PTER: variants seen among roughly 807,000 people sequenced by gnomAD.
PTER encodes phosphotriesterase related.
In PTER, 38 loss-of-function variants were observed where a neutral mutation model predicts 29.6. That is an observed-to-expected ratio of 1.28 (90% CI 0.99 to 1.68). The LOEUF is 1.68. Ranked by LOEUF, PTER falls within the 40% of genes most tolerant of loss-of-function variation. The probability of loss-of-function intolerance (pLI) is 0.00; values close to 1 mark genes in which losing one functional copy is unlikely to be tolerated. For synonymous variants in PTER, 172 were observed against 154.5 expected (o/e 1.11, Z -0.84); for missense variants, 482 against 427.8 (o/e 1.13, Z -1.12).
intron 1 of PTER, among the ~76,000 whole-genome samples, chr10:16,444,183 G>T (rs1384844547): frequency 6.6e-6 from 1 of 151,838 alleles, no homozygotes; most frequent in Non-Finnish European, 1.5e-5. Flanking sequence ...TATATTTTTA[G>T]TATATTTTCA....
At chr10:16,451,076 C>T (rs188284660) in intron 1 of PTER, among the ~76,000 whole-genome samples, 187 of 152,240 alleles carry the variant, frequency 1.2e-3, no homozygotes, top group Non-Finnish European at 2.2e-3. Flanking sequence ...CCCAAGAGCC[C>T]CTGGTAAACC....
rs921053788 is a variant in PTER at position 16,513,531 on chromosome 10, G to A, written c.*2275G>A. 2.0e-5 allele frequency: 3 copies of A among 152,358 alleles called. No homozygotes were observed. Among genetic ancestry groups the A allele is most frequent in the Non-Finnish European group, 4.4e-5 (3 of 67,966 alleles). 9.4% of individuals were successfully genotyped at this position (152,358 alleles called of 1,614,324 possible). ...ATATAAACACTCTGTTGTCATATAG[G>A]CTATATGCGAAATTGTTAATTTTAA... On this transcript the variant is annotated 3_prime_UTR_variant, in exon 5 of 5. Coordinates refer to ENST00000535784, the MANE Select transcript of PTER (RefSeq NM_001261836.2).
chr10:16,475,242 C>G (rs1022134446), intron 1 of PTER, among the ~76,000 whole-genome samples: 4 of 152,286 alleles, frequency 2.6e-5, no homozygotes, highest in South Asian at 2.1e-4. Flanking sequence ...TTTATTGTCC[C>G]TCATCATTCT....
intron 1 of PTER, among the ~76,000 whole-genome samples, chr10:16,475,388 G>C (rs1181536987): frequency 1.3e-5 from 2 of 152,084 alleles, no homozygotes; most frequent in African/African-American, 4.8e-5. Flanking sequence ...AAATGACTGG[G>C]GGCCCTGGGA....
intron 1 of PTER, among the ~76,000 whole-genome samples, chr10:16,450,779 A>C (rs1415372409): frequency 6.6e-6 from 1 of 152,190 alleles, no homozygotes; most frequent in Non-Finnish European, 1.5e-5. Flanking sequence ...ACTAAGTAGC[A>C]ACCAACCAAC....
chr10:16,502,914 G>A (rs1390323618), intron 3 of PTER, among the ~76,000 whole-genome samples: 3 of 147,662 alleles, frequency 2.0e-5, no homozygotes, highest in East Asian at 2.0e-4. Flanking sequence ...ACTTGAACCC[G>A]AGAGGTGGAG....
rs151193856 is a variant in PTER at position 16,463,021 on chromosome 10, G to A, written c.-48-21316G>A. On this transcript the variant is annotated intron_variant, in intron 1 of 4. Coordinates refer to ENST00000535784, the MANE Select transcript of PTER (RefSeq NM_001261836.2). The stretch of plus-strand genomic sequence containing the variant: ...ATCCTGGCTAACATGGTGAAACCCC[G>A]TCTGTACTAAAAATACAAAAAATTA... Among the ~76,000 whole-genome samples, 1,405 of 151,738 alleles carry A rather than the reference G, an allele frequency of 9.3e-3. 32 individuals carry two copies. The highest frequency in any genetic ancestry group is 0.033 in the African/African-American group (1,352 of 41,470).
At chr10:16,471,251 T>G (rs1436784715) in intron 1 of PTER, among the ~76,000 whole-genome samples, 1 of 152,206 alleles carries the variant, frequency 6.6e-6, no homozygotes, top group Non-Finnish European at 1.5e-5. Context: ...AATAAAGAAT[T>G]TGAAATAGCT....
chr10:16,465,232 C>T (rs927604094), intron 1 of PTER, among the ~76,000 whole-genome samples: 3 of 135,410 alleles, frequency 2.2e-5, no homozygotes, highest in South Asian at 2.7e-4. Flanking sequence ...ATGAGTGACT[C>T]ATTGAATGCT....
intron 2 of PTER, among the ~76,000 whole-genome samples, chr10:16,485,714 A>T (rs1286297693): frequency 6.6e-6 from 1 of 152,152 alleles, no homozygotes; most frequent in East Asian, 1.9e-4. Context: ...ATACATATGA[A>T]CCCAAAAGTC....
At chr10:16,468,286 G>C (rs1032684834) in intron 1 of PTER, among the ~76,000 whole-genome samples, 8 of 152,158 alleles carry the variant, frequency 5.3e-5, no homozygotes, top group Admixed American at 2.6e-4. Flanking sequence ...AGGTTGCAGT[G>C]AGCCGAGATC....
chr10:16,498,258 T>C (rs1420729421), intron 3 of PTER, among the ~76,000 whole-genome samples: 6 of 152,098 alleles, frequency 3.9e-5, no homozygotes, highest in African/African-American at 9.7e-5. Flanking sequence ...CTGGGAAAGA[T>C]TGGAGTAAGA....
In PTER at chr10:16,451,969, A is replaced by C. The variant is rs139520736; in HGVS notation, c.-49+14922A>C. On this transcript the variant is annotated intron_variant, in intron 1 of 4. Coordinates refer to ENST00000535784, the MANE Select transcript of PTER (RefSeq NM_001261836.2). The stretch of plus-strand genomic sequence containing the variant: ...CGTATCATCTTCCAGAGTGTTGGCT[A>C]TGCCTGTGTACTACCTTTACCACTA... Among the ~76,000 whole-genome samples, 1,240 of 152,218 alleles carry C rather than the reference A, an allele frequency of 8.1e-3. 8 individuals are homozygous for C. Among genetic ancestry groups the C allele is most frequent in the Middle Eastern group, 0.02 (6 of 294 alleles).
chr10:16,513,959 A>C (rs1439430062), downstream of PTER: 1 of 205,950 alleles, frequency 4.9e-6, no homozygotes, highest in Non-Finnish European at 9.6e-6. Flanking sequence ...CAAATCCAGA[A>C]AATTCCAGGT....
At chr10:16,448,813 G>T (rs187418388) in intron 1 of PTER, among the ~76,000 whole-genome samples, 1 of 152,336 alleles carries the variant, frequency 6.6e-6, no homozygotes, top group African/African-American at 2.4e-5. Context: ...AAGGTATATT[G>T]CTGGCCTTGC....
At chr10:16,514,784 A>T (rs1836923000), downstream of PTER, 4 of 1,075,194 alleles carry the variant, frequency 3.7e-6, no homozygotes, top group Non-Finnish European at 5.4e-6. Context: ...ATGTAGCATC[A>T]CAAGCTGACT....
intron 3 of PTER, among the ~76,000 whole-genome samples, chr10:16,498,175 G>T (rs1480258629): frequency 6.6e-6 from 1 of 152,180 alleles, no homozygotes; most frequent in Admixed American, 6.5e-5. Context: ...GTGAAATGCG[G>T]TAGCTCTTCT....
chr10:16,467,488 T>A (rs969575240), intron 1 of PTER, among the ~76,000 whole-genome samples: 1 of 152,162 alleles, frequency 6.6e-6, no homozygotes, highest in African/African-American at 2.4e-5. Flanking sequence ...TGTATTCCTA[T>A]GTAGTTGGGT....
At chr10:16,483,287 A>G (rs1012243753) in intron 1 of PTER, among the ~76,000 whole-genome samples, 10 of 152,152 alleles carry the variant, frequency 6.6e-5, no homozygotes, top group Non-Finnish European at 1.5e-4. Context: ...CGCTTTCATT[A>G]TGGCTAAGAA....
Sources: gnomAD v4.1 joint callset for allele counts (sites outside exome capture counted in the v4.1 genomes callset) on GRCh38, gnomAD v4.1.1 for gene constraint, MANE v1.5 for transcripts, NCBI Gene and HGNC (gene_info 2026-07-23, HGNC 2026-07-21) for gene names.